Variants in OTUD3 observed in about 807,000 individuals in gnomAD.
OTUD3 encodes the protein OTU domain-containing protein 3.
In OTUD3, 24 loss-of-function variants were observed where a neutral mutation model predicts 46.2. The observed-to-expected ratio is 0.52, with a 90% CI of 0.38 to 0.73. The LOEUF is 0.73. Ranked by LOEUF, OTUD3 falls within the 30% of genes least tolerant of loss-of-function variation. The pLI, the probability that OTUD3 is intolerant of heterozygous loss-of-function variation, is 0.00. For synonymous variants in OTUD3, 189 were observed against 195.4 expected (o/e 0.97, Z 0.27); for missense variants, 455 against 523.3 (o/e 0.87, Z 1.27).
rs747239605 is a variant in OTUD3 at position 19,904,965 on chromosome 1, G to T, written c.813G>T (p.Arg271=). The change falls in exon 6 of 8, where the codon CGG becomes CGT. Residue 271 remains arginine, a synonymous_variant. Coordinates refer to ENST00000375120, the MANE Select transcript of OTUD3 (RefSeq NM_015207.2). The part of the protein sequence containing the change: ...NIESAIIAVL[R]MNQGKRNNAE... ...AATCTGCAATAATTGCCGTGCTTCG[G>T]ATGAACCAAGGGAAGAGAAATAGTA... 7.6e-6 allele frequency: 12 copies of T among 1,577,664 alleles called. No individual in the cohort carries two copies. Among genetic ancestry groups the T allele is most frequent in the African/African-American group, 1.3e-5 (1 of 74,160 alleles).
intron 4 of OTUD3, among the ~76,000 whole-genome samples, chr1:19,902,027 C>G (rs72658588): frequency 0.11 from 16,599 of 152,046 alleles, 1,040 homozygotes; most frequent in Admixed American, 0.15. Flanking sequence ...TTGGATATAC[C>G]TCGGAGTGGA....
intron 6 of OTUD3, among the ~76,000 whole-genome samples, chr1:19,906,091 C>T (rs1371564940): frequency 2.0e-5 from 3 of 152,220 alleles, no homozygotes; most frequent in Non-Finnish European, 4.4e-5. Flanking sequence ...ATACATTGGA[C>T]AGCACAGCTT....
chr1:19,902,021 A>G (rs2045596806), intron 4 of OTUD3, among the ~76,000 whole-genome samples: 2 of 152,170 alleles, frequency 1.3e-5, no homozygotes, highest in African/African-American at 4.8e-5. Flanking sequence ...GTCTTTTTGG[A>G]TATACCTCGG....
chr1:19,897,440 C>G (rs1169445122), intron 3 of OTUD3, 100 bp from the exon 4 acceptor site: 1 of 1,252,322 alleles, frequency 8.0e-7, no homozygotes, highest in Non-Finnish European at 1.1e-6. Context: ...GTCTCATAGA[C>G]CTGCTGACTG....
chr1:19,889,073 A>T (rs894203763), intron 1 of OTUD3, among the ~76,000 whole-genome samples: 5 of 152,208 alleles, frequency 3.3e-5, no homozygotes, highest in African/African-American at 9.6e-5. Context: ...CTGATTAAGA[A>T]AAGTTTGAGG....
In OTUD3 at chr1:19,908,605, T is replaced by A. The variant is rs1427453788; in HGVS notation, c.*859T>A. 1.3e-5 allele frequency: 2 copies of A among 152,338 alleles called. No homozygotes were observed. Among genetic ancestry groups the A allele is most frequent in the Non-Finnish European group, 2.9e-5 (2 of 68,034 alleles). 9.4% of individuals were successfully genotyped at this position (152,338 alleles called of 1,614,324 possible). A position where few individuals can be genotyped will look rare whatever the true frequency, so the allele number is the denominator to read the frequency against. ...AACAGGAGACGAACTCCTGGGGTTT[T>A]GCCTAAGAGGAGTCTAAAGAATTAT... On this transcript the variant is annotated 3_prime_UTR_variant, in exon 8 of 8. Coordinates refer to ENST00000375120, the MANE Select transcript of OTUD3 (RefSeq NM_015207.2).
chr1:19,886,247 C>A (rs1430181760), intron 1 of OTUD3, among the ~76,000 whole-genome samples: 2 of 152,160 alleles, frequency 1.3e-5, no homozygotes, highest in South Asian at 2.1e-4. Flanking sequence ...CTGAACTTAT[C>A]TAGTTGGGTC....
chr1:19,904,877 T>C lies in OTUD3; in HGVS notation c.739-14T>C. ...TTTTGAAGTGGTTTTTTTGTTTGTTTGTTTCTTGGATAGGATTTTAATTTA... is the reference window on the plus strand; with the variant it reads ...TTTTGAAGTGGTTTTTTTGTTTGTTCGTTTCTTGGATAGGATTTTAATTTA... On this transcript the variant is annotated splice_polypyrimidine_tract_variant and intron_variant, in intron 5 of 7. Coordinates refer to ENST00000375120, the MANE Select transcript of OTUD3 (RefSeq NM_015207.2). 1 of 1,341,042 alleles carries C rather than the reference T, an allele frequency of 7.5e-7. No individual in the cohort carries two copies. The allele number at this position is 1,341,042 out of a possible 1,614,324, so 83.1% of individuals were successfully genotyped here.
chr1:19,890,541 C>G lies in OTUD3; in HGVS notation c.370+8C>G, dbSNP rs1375854870. 1.1e-5 allele frequency: 18 copies of G among 1,612,842 alleles called. No homozygotes were observed. In the African/African-American group the frequency reaches 1.6e-4, roughly 14 times the overall value. On this transcript the variant is annotated splice_region_variant and intron_variant, in intron 2 of 7. Transcript: ENST00000375120. ...TTCCTTTTGAGAAGCATGGTAGGTT[C>G]ACTGTGGGACATTGTGTCCTTCAGG...
chr1:19,897,282 T>G (rs926086832), intron 3 of OTUD3, among the ~76,000 whole-genome samples: 1 of 152,208 alleles, frequency 6.6e-6, no homozygotes, highest in Non-Finnish European at 1.5e-5. Flanking sequence ...TTTAACTTCA[T>G]CGCAAGTCTG....
chr1:19,888,003 T>C (rs988308743), intron 1 of OTUD3, among the ~76,000 whole-genome samples: 4 of 152,222 alleles, frequency 2.6e-5, no homozygotes, highest in Admixed American at 2.0e-4. Flanking sequence ...ATTGGTTGTT[T>C]TTGTGAACTC....
At position 19,895,738 on chromosome 1, in the gene OTUD3, C is replaced by T. The variant is rs115943870; in HGVS notation, c.483+1258C>T. On this transcript the variant is annotated intron_variant, in intron 3 of 7. Coordinates refer to ENST00000375120, the MANE Select transcript of OTUD3 (RefSeq NM_015207.2). ...CATATTTTCCATGGGGTTCTGTTTTCCAAGGGCGATGTTTGAGCAAAAATA... is the reference window on the plus strand; with the variant it reads ...CATATTTTCCATGGGGTTCTGTTTTTCAAGGGCGATGTTTGAGCAAAAATA... 7.0e-3 allele frequency among the ~76,000 whole-genome samples: 1,063 copies of T among 152,254 alleles called. 13 individuals are homozygous for T. Among genetic ancestry groups the T allele is most frequent in the African/African-American group, 0.022 (911 of 41,552 alleles).
intron 1 of OTUD3, among the ~76,000 whole-genome samples, chr1:19,888,040 A>G (rs781771787): frequency 3.3e-4 from 50 of 152,146 alleles, no homozygotes; most frequent in Admixed American, 7.2e-4. Context: ...ATATATCCCT[A>G]TAACACAGTG....
intron 3 of OTUD3, 140 bp from the exon 4 acceptor site, chr1:19,897,400 T>G: frequency 1.0e-5 from 7 of 674,294 alleles, no homozygotes; most frequent in Non-Finnish European, 1.7e-5. Context: ...AAATTGCTTG[T>G]GACATATCCC....
chr1:19,903,559 A>G (rs189282397), intron 4 of OTUD3, among the ~76,000 whole-genome samples: 5 of 152,298 alleles, frequency 3.3e-5, no homozygotes, highest in African/African-American at 1.2e-4. Context: ...GTCTTTGCCC[A>G]TTTACCTATC....
intron 3 of OTUD3, among the ~76,000 whole-genome samples, chr1:19,897,188 G>A (rs999462572): frequency 2.6e-5 from 4 of 152,064 alleles, no homozygotes; most frequent in African/African-American, 7.2e-5. Context: ...AACAAATCTG[G>A]ATCTGCCCCT....
chr1:19,882,741 C>A lies in OTUD3; in HGVS notation c.221+7C>A. On this transcript the variant is annotated splice_region_variant and intron_variant, in intron 1 of 7. Transcript: ENST00000375120. ...GGGAGGTGCCGGGGGACGGGTGAGGCGGGCCGGGAGCGAGGGAGGCGGCGC... is the reference window on the plus strand; with the variant it reads ...GGGAGGTGCCGGGGGACGGGTGAGGAGGGCCGGGAGCGAGGGAGGCGGCGC... 7.5e-7 allele frequency: 1 copy of A among 1,335,044 alleles called. No homozygotes were observed. The highest frequency in any genetic ancestry group is 9.6e-7 in the Non-Finnish European group (1 of 1,043,890). The allele number at this position is 1,335,044 out of a possible 1,614,324, so 82.7% of individuals were successfully genotyped here.
intron 4 of OTUD3, among the ~76,000 whole-genome samples, chr1:19,902,073 T>G (rs2045597729): frequency 6.6e-6 from 1 of 152,228 alleles, no homozygotes; most frequent in African/African-American, 2.4e-5. Flanking sequence ...AATTTAACAT[T>G]TTGAGGAACT....
chr1:19,912,235 C>G lies in OTUD3; in HGVS notation c.*4489C>G, dbSNP rs2045742561. The G allele has an allele frequency of 6.6e-6, 1 of 152,322 alleles. No individual in the cohort carries two copies. The allele number at this position is 152,322 out of a possible 1,614,324, so 9.4% of individuals were successfully genotyped here. A position where few individuals can be genotyped will look rare whatever the true frequency, so the allele number is the denominator to read the frequency against. ...GGCCTGGCTCTCATCCTTGGCGTGTCAGCCTGCGGCAGGCTGCCAGCCATC... is the reference window on the plus strand; with the variant it reads ...GGCCTGGCTCTCATCCTTGGCGTGTGAGCCTGCGGCAGGCTGCCAGCCATC... On this transcript the variant is annotated 3_prime_UTR_variant, in exon 8 of 8. Coordinates refer to ENST00000375120, the MANE Select transcript of OTUD3 (RefSeq NM_015207.2).
Sources: allele counts gnomAD v4.1 joint callset (sites outside exome capture counted in the v4.1 genomes callset), GRCh38; gene constraint gnomAD v4.1.1; transcripts MANE v1.5; gene names NCBI Gene and HGNC (gene_info 2026-07-23, HGNC 2026-07-21).